The following NOL4 variants were observed in gnomAD, a reference collection of about 807,000 sequenced individuals.
The protein encoded by NOL4 is cancer/testis antigen 125.
In NOL4, 17 loss-of-function variants were observed where a neutral mutation model predicts 75.9. The observed-to-expected ratio is 0.22, with a 90% CI of 0.15 to 0.34. The LOEUF (loss-of-function observed/expected upper bound fraction) is 0.34, where lower values mean the gene tolerates loss of function less well. NOL4 is among the 10% of genes least tolerant of loss of function. The probability of loss-of-function intolerance (pLI) is 1.00; values close to 1 mark genes in which losing one functional copy is unlikely to be tolerated. For synonymous variants in NOL4, 292 were observed against 289.9 expected (o/e 1.01, Z -0.07); for missense variants, 614 against 793.5 (o/e 0.77, Z 2.72).
intron 6 of NOL4, among the ~76,000 whole-genome samples, chr18:33,964,253 T>C (rs1236423345): frequency 6.6e-6 from 1 of 152,156 alleles, no homozygotes; most frequent in African/African-American, 2.4e-5. Context: ...ACACTGAAGA[T>C]GATTTAATTT....
chr18:33,933,695 T>C (rs752719225), intron 9 of NOL4, among the ~76,000 whole-genome samples: 3 of 152,144 alleles, frequency 2.0e-5, no homozygotes, highest in African/African-American at 4.8e-5. Context: ...ATTGCAGCAA[T>C]TCAGTCACAT....
intron 6 of NOL4, among the ~76,000 whole-genome samples, chr18:33,997,846 G>C (rs1051691927): frequency 2.0e-5 from 3 of 151,364 alleles, no homozygotes; most frequent in Non-Finnish European, 3.0e-5. Flanking sequence ...TAGCCAAAAA[G>C]TAAAAACAAC....
intron 4 of NOL4, among the ~76,000 whole-genome samples, chr18:34,101,082 C>A (rs761782043): frequency 1.3e-5 from 2 of 152,204 alleles, no homozygotes; most frequent in Non-Finnish European, 2.9e-5. Flanking sequence ...AATTTCACCT[C>A]TTTTCACTAC....
At chr18:33,956,373 G>C (rs1341306995) in intron 8 of NOL4, among the ~76,000 whole-genome samples, 1 of 152,004 alleles carries the variant, frequency 6.6e-6, no homozygotes, top group African/African-American at 2.4e-5. Flanking sequence ...TCCAACTCTG[G>C]AGATTTTATG....
chr18:33,983,735 T>C (rs1488824706), intron 6 of NOL4, among the ~76,000 whole-genome samples: 1 of 151,976 alleles, frequency 6.6e-6, no homozygotes, highest in Non-Finnish European at 1.5e-5. Flanking sequence ...CACTGAATCT[T>C]TGGCTTTCTT....
intron 6 of NOL4, among the ~76,000 whole-genome samples, chr18:33,996,222 A>G (rs2073274834): frequency 6.6e-6 from 1 of 151,800 alleles, no homozygotes; most frequent in Admixed American, 6.6e-5. Flanking sequence ...AAAGAAAACC[A>G]ACTTTATTCA....
chr18:34,019,269 G>A, intron 6 of NOL4, 49 bp downstream of exon 6: 1 of 1,530,776 alleles, frequency 6.5e-7, no homozygotes, highest in Non-Finnish European at 8.9e-7. Flanking sequence ...TATTTTTTGT[G>A]ACCTTCATGA....
At chr18:33,864,144 C>T (rs570498468) in intron 10 of NOL4, among the ~76,000 whole-genome samples, 1 of 152,278 alleles carries the variant, frequency 6.6e-6, no homozygotes, top group African/African-American at 2.4e-5. Flanking sequence ...TCCTCCTAGA[C>T]CTCCAGGCCT....
chr18:34,060,468 C>T (rs550216611), intron 5 of NOL4, among the ~76,000 whole-genome samples: 19 of 152,232 alleles, frequency 1.2e-4, no homozygotes, highest in African/African-American at 4.3e-4. Flanking sequence ...TTTATTTTTC[C>T]ATTGCATTTA....
intron 5 of NOL4, among the ~76,000 whole-genome samples, chr18:34,035,209 G>C (rs185487698): frequency 2.0e-5 from 3 of 152,102 alleles, no homozygotes; most frequent in Non-Finnish European, 4.4e-5. Flanking sequence ...CCTACTATAT[G>C]TTAGGCCACA....
chr18:34,148,626 A>G (rs1235233732), intron 1 of NOL4, among the ~76,000 whole-genome samples: 1 of 151,980 alleles, frequency 6.6e-6, no homozygotes, highest in Non-Finnish European at 1.5e-5. Context: ...TGAGTGTTTT[A>G]CTTCCAATTA....
intron 2 of NOL4, among the ~76,000 whole-genome samples, chr18:34,106,116 T>C (rs2079265586): frequency 6.6e-6 from 1 of 152,040 alleles, no homozygotes; most frequent in African/African-American, 2.4e-5. Flanking sequence ...AAATAAGACA[T>C]AAATGCCACA....
intron 5 of NOL4, among the ~76,000 whole-genome samples, chr18:34,058,084 T>A (rs192102385): frequency 6.6e-6 from 1 of 152,280 alleles, no homozygotes; most frequent in East Asian, 1.9e-4. Flanking sequence ...TTAACAGGCC[T>A]GCTCACATCT....
intron 1 of NOL4, among the ~76,000 whole-genome samples, chr18:34,136,208 T>C (rs1016503919): frequency 6.6e-6 from 1 of 152,134 alleles, no homozygotes; most frequent in African/African-American, 2.4e-5. Context: ...GAGGGACATC[T>C]ACAAAAACCT....
intron 9 of NOL4, among the ~76,000 whole-genome samples, chr18:33,929,746 G>A (rs1384135047): frequency 6.6e-6 from 1 of 152,104 alleles, no homozygotes; most frequent in East Asian, 1.9e-4. Flanking sequence ...ATATATATTT[G>A]CTAAATAAAC....
intron 1 of NOL4, among the ~76,000 whole-genome samples, chr18:34,192,514 CACAGACCA>C (rs1404254111): frequency 6.6e-6 from 1 of 152,130 alleles, no homozygotes; most frequent in Non-Finnish European, 1.5e-5. Context: ...AAAACAGACA[CACAGACCA>C]ACAGAGCAGA....
At chr18:34,004,593 G>A (rs936648664) in intron 6 of NOL4, among the ~76,000 whole-genome samples, 1 of 152,008 alleles carries the variant, frequency 6.6e-6, no homozygotes, top group African/African-American at 2.4e-5. Flanking sequence ...CTATGTTGAT[G>A]ATTATATAAA....
At chr18:34,161,956 T>C (rs1324847035) in intron 1 of NOL4, among the ~76,000 whole-genome samples, 1 of 152,160 alleles carries the variant, frequency 6.6e-6, no homozygotes, top group African/African-American at 2.4e-5. Context: ...GTAATATTTA[T>C]TTAATTTTTA....
intron 9 of NOL4, among the ~76,000 whole-genome samples, chr18:33,924,289 T>A (rs1309019960): frequency 6.6e-6 from 1 of 152,234 alleles, no homozygotes; most frequent in Admixed American, 6.5e-5. Flanking sequence ...GCCAAAGAAC[T>A]AAATGCTGGG....
Sources: allele counts gnomAD v4.1 joint callset (sites outside exome capture counted in the v4.1 genomes callset), GRCh38; gene constraint gnomAD v4.1.1; transcripts MANE v1.5; gene names NCBI Gene and HGNC (gene_info 2026-07-23, HGNC 2026-07-21).